Variants in ERP27 observed in about 807,000 individuals in gnomAD.
ERP27 encodes endoplasmic reticulum protein 27.
Under a neutral mutation model 27.7 loss-of-function variants are expected in ERP27, and 23 were observed. The observed-to-expected ratio is 0.83, with a 90% CI of 0.60 to 1.18. The LOEUF (loss-of-function observed/expected upper bound fraction) is 1.18. Among genes scored for constraint, ERP27 ranks in the 50% most tolerant of loss-of-function variants. The probability of loss-of-function intolerance (pLI) is 0.00; values close to 1 mark genes in which losing one functional copy is unlikely to be tolerated. For missense variants in ERP27, 363 were observed against 327.9 expected (o/e 1.11, Z -0.83); for synonymous variants, 159 against 118.3 (o/e 1.34, Z -2.23).
At chr12:14,920,460 A>G (rs1347572452) in intron 4 of ERP27, among the ~76,000 whole-genome samples, 1 of 152,212 alleles carries the variant, frequency 6.6e-6, no homozygotes, top group Non-Finnish European at 1.5e-5. Flanking sequence ...GTGATCAGTG[A>G]GCTTCATTTA....
At chr12:14,934,807 C>T in intron 3 of ERP27, 49 bp downstream of exon 3, 1 of 1,610,746 alleles carries the variant, frequency 6.2e-7, no homozygotes, top group Non-Finnish European at 8.5e-7. Context: ...TATGAGTCCA[C>T]AACCCAGTGA....
At chr12:14,919,881 T>C (rs557060331) in intron 4 of ERP27, among the ~76,000 whole-genome samples, 1 of 152,350 alleles carries the variant, frequency 6.6e-6, no homozygotes, top group South Asian at 2.1e-4. Flanking sequence ...CTTTGAATAA[T>C]GTTATCAGTT....
At chr12:14,937,815 T>C (rs1863793821) in intron 2 of ERP27, 137 bp downstream of exon 2, 2 of 660,536 alleles carry the variant, frequency 3.0e-6, no homozygotes, top group Admixed American at 2.4e-5. Flanking sequence ...ATGGACAAGA[T>C]GAAATCAAAC....
In ERP27 at chr12:14,915,519, A is replaced by G. The variant is rs750204299; in HGVS notation, c.744T>C (p.Phe248=). The G allele has an allele frequency of 2.9e-5, 47 of 1,614,012 alleles. No individual in the cohort carries two copies. The highest frequency in any genetic ancestry group is 3.6e-5 in the Non-Finnish European group (43 of 1,179,976). Residue 248 remains phenylalanine (F), a synonymous_variant, in exon 6 of 7, where the codon TTT becomes TTC. Transcript: ENST00000266397. ...ATTTTCCACTTAGGAATCCATCACA[A>G]AAGTTTTGCACATGCTCTACGGAAA... ...AEVSVEHVQN[F]CDGFLSGKLL... is the part of the protein sequence containing the mutation.
chr12:14,914,558 CTGTGTG>C lies in ERP27; in HGVS notation c.*171_*176del, dbSNP rs10699558. 15 of 353,656 alleles carry C rather than the reference CTGTGTG, an allele frequency of 4.2e-5. No individual in the cohort carries two copies. Among genetic ancestry groups the C allele is most frequent in the South Asian group, 7.1e-5 (1 of 14,024 alleles). 21.9% of individuals were successfully genotyped at this position (353,656 alleles called of 1,614,324 possible). On this transcript the variant is annotated 3_prime_UTR_variant, in exon 7 of 7. Coordinates refer to ENST00000266397, the MANE Select transcript of ERP27 (RefSeq NM_152321.4). Reference sequence around the variant, plus strand: ...AGATTTTAAGACAGGAAATGAAGCTCTGTGTGTGTGTGTGTGTGTGCGTGTGTGTGT... The same window carrying C: ...AGATTTTAAGACAGGAAATGAAGCTCTGTGTGTGTGTGTGCGTGTGTGTGT...
rs889804280 is a variant in ERP27, at chr12:14,937,864, T to A, written c.195+88A>T. On this transcript the variant is annotated intron_variant, in intron 2 of 6. Coordinates refer to ENST00000266397, the MANE Select transcript of ERP27 (RefSeq NM_152321.4). ...CCCTTTACCCCCACTTCTAATGCAG[T>A]GCCATCTGCCAGCAGCAGGTGGCTG... The A allele has an allele frequency of 1.1e-5, 12 of 1,061,400 alleles. No homozygotes were observed. In the Admixed American group the frequency reaches 1.5e-4, roughly 13 times the overall value. The allele number at this position is 1,061,400 out of a possible 1,614,324, so 65.7% of individuals were successfully genotyped here. A position where few individuals can be genotyped will look rare whatever the true frequency, so the allele number is the denominator to read the frequency against.
In ERP27 at chr12:14,938,462, G is replaced by A. The variant is rs372235750; in HGVS notation, c.47C>T (p.Thr16Met). The change falls in exon 1 of 7, where the codon ACG (threonine) becomes ATG (methionine). Residue 16 changes from threonine (T) to methionine (M), a missense_variant. By Grantham distance (81) the Thr-to-Met change is moderately conservative (BLOSUM62 -1). Transcript: ENST00000266397. Reference sequence around the variant, plus strand: ...AGCAACTTCTGCAGCCAGCTCACACGTGAGGAGAAATAAGAGGAACATGAA... The same window carrying A: ...AGCAACTTCTGCAGCCAGCTCACACATGAGGAGAAATAAGAGGAACATGAA... The part of the protein sequence containing the change: ...SRFMFLLFLL[T>M]CELAAEVAAE... 3.4e-5 allele frequency: 55 copies of A among 1,613,980 alleles called. No individual in the cohort carries two copies. The highest frequency in any genetic ancestry group is 4.2e-5 in the Non-Finnish European group (50 of 1,180,018).
In ERP27 at chr12:14,920,923, A is replaced by G. The variant is rs375526764; in HGVS notation, c.450+9T>C. 9.9e-6 allele frequency: 16 copies of G among 1,609,402 alleles called. No homozygotes were observed. In the African/African-American group the frequency reaches 1.7e-4, roughly 17 times the overall value. On this transcript the variant is annotated intron_variant, in intron 4 of 6. Transcript: ENST00000266397. ...TCTGAAGGGACTAAGAACAGGAAGT[A>G]TTGTTTACCACAGGGTTGTACTCTG...
At chr12:14,928,838 C>G in intron 3 of ERP27, 1 of 1,151,722 alleles carries the variant, frequency 8.7e-7, no homozygotes, top group Non-Finnish European at 1.2e-6. Context: ...CCTACCACCT[C>G]CTTCCCCTTC....
chr12:14,914,832 A>G (rs1471356800), intron 6 of ERP27, 50 bp from the exon 7 acceptor site: 3 of 1,447,004 alleles, frequency 2.1e-6, no homozygotes, highest in Non-Finnish European at 2.9e-6. Context: ...TGAGCTGTTT[A>G]CTCCTGGAAG....
chr12:14,927,639 C>G (rs2120594333), intron 3 of ERP27, among the ~76,000 whole-genome samples: 1 of 152,148 alleles, frequency 6.6e-6, no homozygotes, highest in African/African-American at 2.4e-5. Flanking sequence ...GCCGTCTAGA[C>G]AAAAAGCAGT....
Position 14,914,612 on chromosome 12 carries a change from A to C in ERP27, c.*123T>G. 2 of 740,362 alleles carry C rather than the reference A, an allele frequency of 2.7e-6. No individual in the cohort carries two copies. The highest frequency in any genetic ancestry group is 4.5e-6 in the Non-Finnish European group (2 of 441,658). The allele number at this position is 740,362 out of a possible 1,614,324, so 45.9% of individuals were successfully genotyped here. A position where few individuals can be genotyped will look rare whatever the true frequency, so the allele number is the denominator to read the frequency against. On this transcript the variant is annotated 3_prime_UTR_variant, in exon 7 of 7. Transcript: ENST00000266397. ...TGTGCACGCGTGCGTGCGTGTGTGC[A>C]CGTGCGTGTGTGTGTGGTTGGCAGG...
At chr12:14,917,701 C>A (rs2193356) in intron 4 of ERP27, among the ~76,000 whole-genome samples, 2 of 152,028 alleles carry the variant, frequency 1.3e-5, no homozygotes, top group African/African-American at 4.8e-5. Flanking sequence ...CTTCTACTAA[C>A]AGCCAGCATT....
At chr12:14,934,743 T>A (rs1419070218) in intron 3 of ERP27, 113 bp downstream of exon 3, 3 of 1,296,198 alleles carry the variant, frequency 2.3e-6, no homozygotes, top group African/African-American at 3.0e-5. Context: ...TGTCCCTGAA[T>A]TTGGTACCAT....
At chr12:14,935,107 GC>G in intron 2 of ERP27, 114 bp from the exon 3 acceptor site, 1 of 1,487,384 alleles carries the variant, frequency 6.7e-7, no homozygotes, top group Non-Finnish European at 8.9e-7. Flanking sequence ...TTGATTTACT[GC>G]CCAGTAACAC....
chr12:14,938,289 T>A (rs952861067), intron 1 of ERP27, 126 bp downstream of exon 1: 1 of 975,922 alleles, frequency 1.0e-6, no homozygotes, highest in Admixed American at 2.0e-5. Flanking sequence ...CAAAATGCAC[T>A]TATCCAGGAT....
intron 3 of ERP27, among the ~76,000 whole-genome samples, chr12:14,926,450 G>T (rs1294610403): frequency 6.6e-6 from 1 of 152,140 alleles, no homozygotes; most frequent in African/African-American, 2.4e-5. Context: ...GAAATTACTG[G>T]TGTATTTAAT....
chr12:14,926,030 C>G (rs1863596824), intron 3 of ERP27, among the ~76,000 whole-genome samples: 1 of 151,562 alleles, frequency 6.6e-6, no homozygotes, highest in African/African-American at 2.4e-5. Flanking sequence ...GATTGCACCA[C>G]TGCACTCCAG....
chr12:14,922,192 T>C (rs1863514850), intron 3 of ERP27, among the ~76,000 whole-genome samples: 1 of 152,196 alleles, frequency 6.6e-6, no homozygotes, highest in Non-Finnish European at 1.5e-5. Context: ...GATATGTATA[T>C]AGTTAACTAG....
Sources: gnomAD v4.1 joint callset for allele counts (sites outside exome capture counted in the v4.1 genomes callset) on GRCh38, gnomAD v4.1.1 for gene constraint, MANE v1.5 for transcripts, NCBI Gene and HGNC (gene_info 2026-07-23, HGNC 2026-07-21) for gene names.